Variants in SUMF1 observed in about 807,000 individuals in gnomAD.
SUMF1 encodes the protein sulfatase modifying factor 1.
A neutral mutation model predicts 47.6 loss-of-function variants in SUMF1; 48 were observed. That is an observed-to-expected ratio of 1.01 (90% CI 0.80 to 1.28). SUMF1 has a LOEUF of 1.28. SUMF1 is among the 50% of genes most tolerant of loss of function. The probability of loss-of-function intolerance (pLI) is 0.00; values close to 1 mark genes in which losing one functional copy is unlikely to be tolerated. For missense variants in SUMF1, 571 were observed against 485.4 expected (o/e 1.18, Z -1.66); for synonymous variants, 230 against 192.1 (o/e 1.20, Z -1.63).
At chr3:4,276,583 C>A (rs986994645) in intron 8 of SUMF1, among the ~76,000 whole-genome samples, 5 of 152,120 alleles carry the variant, frequency 3.3e-5, no homozygotes, top group African/African-American at 1.2e-4. Flanking sequence ...ATAAAATGCA[C>A]ATGATTTATC....
At chr3:4,042,815 C>G (rs1031558252) in intron 9 of SUMF1, among the ~76,000 whole-genome samples, 2 of 152,018 alleles carry the variant, frequency 1.3e-5, no homozygotes, top group East Asian at 1.9e-4. Flanking sequence ...TGATGGGTTG[C>G]GGGGGAGAAA....
intron 8 of SUMF1, among the ~76,000 whole-genome samples, chr3:4,100,685 T>TA (rs113203913): frequency 0.016 from 2,366 of 151,326 alleles, 74 homozygotes; most frequent in African/African-American, 0.052. Flanking sequence ...TACATCAAAC[T>TA]AAAAAAAATG....
Position 4,064,535 on chromosome 3 carries a change from G to A in SUMF1, c.1191+4034C>T, listed in dbSNP as rs78844932. On this transcript the variant is annotated intron_variant and NMD_transcript_variant, in intron 9 of 12. Transcript: ENST00000448413. The stretch of plus-strand genomic sequence containing the variant: ...GAGCCACCCATACTCTGCCTATGGA[G>A]TAGGCATTCTTTTGTTTCTTTACTT... Among the ~76,000 whole-genome samples, 4 of 152,232 alleles carry A rather than the reference G, an allele frequency of 2.6e-5. No homozygotes were observed. The South Asian group carries it at 8.3e-4, about 32-fold the overall frequency.
At chr3:4,130,321 T>C (rs1437079310) in intron 8 of SUMF1, among the ~76,000 whole-genome samples, 3 of 152,196 alleles carry the variant, frequency 2.0e-5, no homozygotes, top group African/African-American at 7.2e-5. Context: ...TTTTTCTCCA[T>C]TCCTGTCCAT....
intron 9 of SUMF1, chr3:4,068,547 T>C (rs1695434967): frequency 3.8e-6 from 1 of 262,238 alleles, no homozygotes; most frequent in Non-Finnish European, 8.0e-6. Flanking sequence ...TCTTCAAAAT[T>C]CAGTGTGTAT....
At chr3:4,173,331 C>T (rs2600132) in intron 8 of SUMF1, among the ~76,000 whole-genome samples, 100,165 of 151,990 alleles carry the variant, frequency 0.66, 33,141 homozygotes, top group South Asian at 0.73. Context: ...CACAATGAGA[C>T]ACCATCTCAT....
intron 8 of SUMF1, among the ~76,000 whole-genome samples, chr3:4,127,335 A>G (rs1342889078): frequency 6.6e-6 from 1 of 152,182 alleles, no homozygotes; most frequent in Admixed American, 6.5e-5. Flanking sequence ...AATGAAGAAT[A>G]CAAAGTATTG....
intron 8 of SUMF1, among the ~76,000 whole-genome samples, chr3:4,335,960 CAAAAAAAAA>C (rs770091674): frequency 1.4e-5 from 1 of 73,908 alleles, no homozygotes; most frequent in Non-Finnish European, 2.3e-5. Flanking sequence ...GATTCCAACT[CAAAAAAAAA>C]AAAAAAAAAA....
intron 8 of SUMF1, among the ~76,000 whole-genome samples, chr3:4,111,490 C>T (rs772947412): frequency 1.3e-5 from 2 of 151,906 alleles, no homozygotes; most frequent in African/African-American, 2.4e-5. Flanking sequence ...GAGGCCAAGG[C>T]GGGTGGATCA....
chr3:4,219,077 TCAA>T (rs2125172166), intron 8 of SUMF1, among the ~76,000 whole-genome samples: 1 of 152,214 alleles, frequency 6.6e-6, no homozygotes, highest in East Asian at 1.9e-4. Flanking sequence ...AGGATTAATG[TCAA>T]CACACACTCC....
At chr3:4,219,086 A>G (rs1018153264) in intron 8 of SUMF1, among the ~76,000 whole-genome samples, 5 of 151,510 alleles carry the variant, frequency 3.3e-5, no homozygotes, top group African/African-American at 9.7e-5. Flanking sequence ...GTCAACACAC[A>G]CTCCCCCATA....
At chr3:4,377,507 C>T (rs568235580) in intron 7 of SUMF1, among the ~76,000 whole-genome samples, 5 of 152,130 alleles carry the variant, frequency 3.3e-5, no homozygotes, top group East Asian at 1.9e-4. Flanking sequence ...CACTCCACTG[C>T]GCTCCCACTT....
At chr3:4,102,551 G>A (rs1370039794) in intron 8 of SUMF1, among the ~76,000 whole-genome samples, 1 of 152,078 alleles carries the variant, frequency 6.6e-6, no homozygotes, top group Non-Finnish European at 1.5e-5. Context: ...CTTTGCTGAG[G>A]TCTTGTCCAT....
chr3:4,323,582 AG>A (rs1698882507), intron 8 of SUMF1, among the ~76,000 whole-genome samples: 1 of 152,158 alleles, frequency 6.6e-6, no homozygotes, highest in South Asian at 2.1e-4. Context: ...AGGAAGGAAG[AG>A]GAGAAAGAGA....
chr3:4,373,817 T>TA (rs371136205), intron 8 of SUMF1, among the ~76,000 whole-genome samples: 23,539 of 151,766 alleles, frequency 0.16, 1,911 homozygotes, highest in Middle Eastern at 0.19. Context: ...CAAAAATGTA[T>TA]AAAAAAGATA....
chr3:4,392,347 G>A (rs1700895258), intron 7 of SUMF1, among the ~76,000 whole-genome samples: 1 of 151,838 alleles, frequency 6.6e-6, no homozygotes, highest in Non-Finnish European at 1.5e-5. Flanking sequence ...ATATACTTTA[G>A]TTCTTTAAAT....
At chr3:4,073,779 G>A (rs928677752) in intron 8 of SUMF1, among the ~76,000 whole-genome samples, 3 of 152,158 alleles carry the variant, frequency 2.0e-5, no homozygotes, top group African/African-American at 7.2e-5. Flanking sequence ...AATTCAACAA[G>A]AAGAGCTAAC....
chr3:4,423,351 A>C (rs1332019375), intron 3 of SUMF1, among the ~76,000 whole-genome samples: 2 of 152,024 alleles, frequency 1.3e-5, no homozygotes, highest in African/African-American at 4.8e-5. Context: ...GAATGAATTA[A>C]CGGCATTCAC....
downstream of SUMF1, among the ~76,000 whole-genome samples, chr3:4,358,491 G>A (rs1699671977): frequency 6.6e-6 from 1 of 152,182 alleles, no homozygotes; most frequent in Non-Finnish European, 1.5e-5. Context: ...AGAGAATGGA[G>A]GACAGTAGAA....
Sources: gnomAD v4.1 joint callset for allele counts (sites outside exome capture counted in the v4.1 genomes callset) on GRCh38, gnomAD v4.1.1 for gene constraint, MANE v1.5 for transcripts, NCBI Gene and HGNC (gene_info 2026-07-23, HGNC 2026-07-21) for gene names.